LOXL2: variants seen among roughly 807,000 people sequenced by gnomAD.
The protein encoded by LOXL2 is lysyl oxidase like 2, also known as lysyl oxidase homolog 2.
Under a neutral mutation model 93.0 loss-of-function variants are expected in LOXL2, and 70 were observed. The ratio of observed to expected loss-of-function variants is 0.75; its 90% CI spans 0.62 to 0.92. The LOEUF (loss-of-function observed/expected upper bound fraction) is 0.92. Among genes scored for constraint, LOXL2 ranks in the 40% least tolerant of loss-of-function variants. The pLI, the probability that LOXL2 is intolerant of heterozygous loss-of-function variation, is 0.00. For missense variants in LOXL2, 973 were observed against 1,054.9 expected (o/e 0.92, Z 1.08); for synonymous variants, 438 against 413.2 (o/e 1.06, Z -0.73).
intron 8 of LOXL2, among the ~76,000 whole-genome samples, chr8:23,318,460 C>CACAA (rs774304581): frequency 2.9e-4 from 32 of 109,076 alleles, no homozygotes; most frequent in African/African-American, 1.2e-3. Flanking sequence ...CACACACACA[C>CACAA]AAAAATACAC....
chr8:23,377,507 T>C, intron 1 of LOXL2, among the ~76,000 whole-genome samples: 1 of 130,460 alleles, frequency 7.7e-6, no homozygotes. Flanking sequence ...TAACTTTCTG[T>C]CTCACTGATC....
At chr8:23,399,766 T>A (rs1800134642) in intron 1 of LOXL2, among the ~76,000 whole-genome samples, 1 of 152,190 alleles carries the variant, frequency 6.6e-6, no homozygotes, top group Non-Finnish European at 1.5e-5. Context: ...AACTTTAAAA[T>A]GAAGGAAGCA....
chr8:23,403,742 T>G (rs2117247304), intron 1 of LOXL2, among the ~76,000 whole-genome samples: 1 of 151,866 alleles, frequency 6.6e-6, no homozygotes, highest in South Asian at 2.1e-4. Context: ...GCCCGGCCCG[T>G]ACGAGGTGGG....
intron 1 of LOXL2, among the ~76,000 whole-genome samples, chr8:23,395,501 ATTTGCACATATCTG>A (rs1251573375): frequency 2.0e-5 from 3 of 152,100 alleles, no homozygotes; most frequent in Non-Finnish European, 4.4e-5. Flanking sequence ...CTGGGGTGAT[ATTTGCACATATCTG>A]TGAATATACT....
intron 4 of LOXL2, among the ~76,000 whole-genome samples, chr8:23,340,288 A>G (rs1178148427): frequency 6.6e-6 from 1 of 152,146 alleles, no homozygotes; most frequent in Non-Finnish European, 1.5e-5. Flanking sequence ...CAGTATTCCT[A>G]TCATTATTAA....
At chr8:23,344,399 G>T (rs562578114) in intron 3 of LOXL2, among the ~76,000 whole-genome samples, 21 of 152,134 alleles carry the variant, frequency 1.4e-4, no homozygotes, top group African/African-American at 4.8e-4. Flanking sequence ...TGTGTGGTGT[G>T]TATCTCTGTG....
chr8:23,383,228 G>T (rs568624925), intron 1 of LOXL2, among the ~76,000 whole-genome samples: 139 of 152,224 alleles, frequency 9.1e-4, no homozygotes, highest in African/African-American at 3.3e-3. Context: ...GGGTGTCTTG[G>T]AATCAGAACA....
At chr8:23,298,243 A>C in intron 13 of LOXL2, 121 bp from the exon 14 acceptor site, 1 of 689,882 alleles carries the variant, frequency 1.4e-6, no homozygotes, top group Non-Finnish European at 2.6e-6. Context: ...CCCTCCTCAA[A>C]AGGACAGGTG....
chr8:23,368,054 G>C lies in LOXL2; in HGVS notation c.298C>G (p.Leu100Val), dbSNP rs376931599. 1.9e-6 allele frequency: 3 copies of C among 1,613,886 alleles called. No individual in the cohort carries two copies. Among genetic ancestry groups the C allele is most frequent in the East Asian group, 2.2e-5 (1 of 44,892 alleles). ...IHAAHVVCRELGYVEAKSWTA... is the reference protein window; with the variant it reads ...IHAAHVVCREVGYVEAKSWTA... ...CAGGACTTGGCCTCCACGTAGCCCA[G>C]CTCCCGGCAGACGACGTGGGCAGCG... The change falls in exon 2 of 14, where the codon CTG (leucine) becomes GTG (valine). Residue 100 changes from leucine (L) to valine (V), a missense_variant. Leu to Val is a conservative substitution (Grantham distance 32). Transcript: ENST00000389131.
intron 5 of LOXL2, among the ~76,000 whole-genome samples, chr8:23,329,960 C>T (rs1223078303): frequency 6.6e-6 from 1 of 152,094 alleles, no homozygotes; most frequent in African/African-American, 2.4e-5. Flanking sequence ...CTCTGACCCC[C>T]GCAGTATGGG....
intron 1 of LOXL2, among the ~76,000 whole-genome samples, chr8:23,387,969 C>T (rs1263082068): frequency 1.3e-5 from 2 of 152,040 alleles, no homozygotes; most frequent in Non-Finnish European, 2.9e-5. Context: ...AACAAAAAAA[C>T]TTTTTTAAGG....
At chr8:23,323,069 A>AG (rs1459169640) in intron 6 of LOXL2, among the ~76,000 whole-genome samples, 1 of 152,272 alleles carries the variant, frequency 6.6e-6, no homozygotes, top group African/African-American at 2.4e-5. Context: ...ACCAACTTCT[A>AG]GATCAACCAA....
At chr8:23,399,205 A>T (rs1800128672) in intron 1 of LOXL2, among the ~76,000 whole-genome samples, 1 of 152,190 alleles carries the variant, frequency 6.6e-6, no homozygotes, top group South Asian at 2.1e-4. Context: ...CCAGGGTGTG[A>T]CTGCCATGCA....
chr8:23,396,125 C>A (rs1194463122), intron 1 of LOXL2, among the ~76,000 whole-genome samples: 1 of 151,990 alleles, frequency 6.6e-6, no homozygotes, highest in Non-Finnish European at 1.5e-5. Context: ...TCGGGAGCAG[C>A]CTGACCAACA....
At chr8:23,390,038 C>T (rs914162559) in intron 1 of LOXL2, among the ~76,000 whole-genome samples, 2 of 152,196 alleles carry the variant, frequency 1.3e-5, no homozygotes, top group Non-Finnish European at 2.9e-5. Flanking sequence ...GAATGTTCCG[C>T]TTGACATTTC....
intron 2 of LOXL2, among the ~76,000 whole-genome samples, chr8:23,361,967 C>T (rs766053792): frequency 2.0e-5 from 3 of 152,210 alleles, no homozygotes; most frequent in Non-Finnish European, 4.4e-5. Context: ...CTATAGAAAA[C>T]AGTACGGTGT....
intron 4 of LOXL2, among the ~76,000 whole-genome samples, chr8:23,338,630 CA>C (rs1439556147): frequency 2.6e-5 from 4 of 152,216 alleles, no homozygotes; most frequent in African/African-American, 9.6e-5. Flanking sequence ...GTGCTGCCAG[CA>C]ACAGCAGCCA....
At chr8:23,324,077 T>C (rs1563190350) in intron 6 of LOXL2, among the ~76,000 whole-genome samples, 1 of 152,200 alleles carries the variant, frequency 6.6e-6, no homozygotes, top group Non-Finnish European at 1.5e-5. Context: ...AAATGAATTC[T>C]TCATTCCAGG....
chr8:23,328,518 G>T lies in LOXL2; in HGVS notation c.1014C>A (p.Arg338=), dbSNP rs549355490. 7 of 1,614,048 alleles carry T rather than the reference G, an allele frequency of 4.3e-6. No homozygotes were observed. The East Asian group carries it at 1.6e-4, about 36-fold the overall frequency. Residue 338 remains arginine, a synonymous_variant, in exon 6 of 14, where the codon CGC becomes CGA. Coordinates refer to ENST00000389131, the MANE Select transcript of LOXL2 (RefSeq NM_002318.3). ...ATTCTCCATTTTTGAGCACCTCCAC[G>T]CGGCCCTCCCCGATGTAGGCACCGC... ...LRGGAYIGEG[R]VEVLKNGEWG...
Sources: allele counts gnomAD v4.1 joint callset (sites outside exome capture counted in the v4.1 genomes callset), GRCh38; gene constraint gnomAD v4.1.1; transcripts MANE v1.5; gene names NCBI Gene and HGNC (gene_info 2026-07-23, HGNC 2026-07-21).